CRACR2A: variants seen among roughly 807,000 people sequenced by gnomAD.
CRACR2A encodes EF-hand calcium-binding domain-containing protein 4B.
CRACR2A carries 79 observed loss-of-function variants against 90.5 expected under a neutral mutation model. That is an observed-to-expected ratio of 0.87 (90% confidence interval 0.73 to 1.05). The LOEUF is 1.05. CRACR2A is among the 50% of genes least tolerant of loss of function. The pLI, the probability that CRACR2A is intolerant of heterozygous loss-of-function variation, is 0.00. For synonymous variants in CRACR2A, 338 were observed against 356.7 expected (o/e 0.95, Z 0.59); for missense variants, 823 against 897.2 (o/e 0.92, Z 1.06).
Position 3,643,043 on chromosome 12 carries a change from G to C in CRACR2A, c.1165-1205C>G, listed in dbSNP as rs1274339107. On this transcript the variant is annotated intron_variant, in intron 12 of 19. Transcript: ENST00000440314. ...CTTTCAAAGCAGAATGAGTTTGGCA[G>C]GTAAAGGGAAGGGAGGTGAAGGGAT... Among the ~76,000 whole-genome samples, 4 of 152,160 alleles carry C rather than the reference G, an allele frequency of 2.6e-5. No homozygotes were observed. The East Asian group carries it at 7.7e-4, about 29-fold the overall frequency.
At chr12:3,640,602 C>A in intron 13 of CRACR2A, 1 of 1,299,780 alleles carries the variant, frequency 7.7e-7, no homozygotes, top group Non-Finnish European at 1.0e-6. Flanking sequence ...TCTCATTATT[C>A]AGCTATTTAG....
At chr12:3,665,444 G>A (rs570109368) in intron 7 of CRACR2A, among the ~76,000 whole-genome samples, 5 of 152,342 alleles carry the variant, frequency 3.3e-5, no homozygotes, top group African/African-American at 1.2e-4. Flanking sequence ...CAGTAAGCCT[G>A]AAGTGTCCTA....
intron 19 of CRACR2A, among the ~76,000 whole-genome samples, chr12:3,616,643 C>A (rs1034184638): frequency 1.3e-5 from 2 of 152,194 alleles, no homozygotes; most frequent in Admixed American, 1.3e-4. Context: ...CTGGCCTTCC[C>A]CCAGAAGGAT....
At chr12:3,693,505 A>G (rs144781840) in intron 4 of CRACR2A, among the ~76,000 whole-genome samples, 355 of 152,346 alleles carry the variant, frequency 2.3e-3, no homozygotes, top group African/African-American at 7.1e-3. Flanking sequence ...AAAACAGGTC[A>G]GTGCTAACAA....
chr12:3,697,342 C>G (rs139097822), intron 3 of CRACR2A, among the ~76,000 whole-genome samples: 1 of 152,212 alleles, frequency 6.6e-6, no homozygotes, highest in Non-Finnish European at 1.5e-5. Context: ...AACCAAACAA[C>G]AACAAAACAG....
chr12:3,673,389 G>A lies in CRACR2A; in HGVS notation c.671+57C>T, dbSNP rs146162265. The A allele has an allele frequency of 1.5e-3, 2,409 of 1,563,180 alleles. 23 individuals carry two copies. The African/African-American group carries it at 0.027, about 17-fold the overall frequency. ...CAGAAGATCTAAGAGAAAGTGCACC[G>A]TGTGTCTCTCTTTTTCACACATAGT... is the stretch of plus-strand genomic sequence containing the variant. On this transcript the variant is annotated intron_variant, in intron 7 of 19. Transcript: ENST00000440314.
intron 7 of CRACR2A, among the ~76,000 whole-genome samples, chr12:3,661,227 T>G (rs1051648037): frequency 6.6e-6 from 1 of 152,162 alleles, no homozygotes; most frequent in Non-Finnish European, 1.5e-5. Flanking sequence ...CAGGAGTCAT[T>G]TTGATTGGCA....
At chr12:3,640,922 T>C in intron 13 of CRACR2A, 1 of 926,888 alleles carries the variant, frequency 1.1e-6, no homozygotes, top group Non-Finnish European at 1.4e-6. Context: ...TTGAGTTAAT[T>C]AAATATAGGT....
intron 4 of CRACR2A, among the ~76,000 whole-genome samples, chr12:3,685,760 CAG>C (rs963731044): frequency 6.6e-6 from 1 of 152,266 alleles, no homozygotes; most frequent in Non-Finnish European, 1.5e-5. Context: ...TTTACGGGTA[CAG>C]AGTTTCTGTT....
intron 12 of CRACR2A, among the ~76,000 whole-genome samples, chr12:3,642,441 T>C (rs186071292): frequency 1.7e-4 from 26 of 152,300 alleles, no homozygotes; most frequent in African/African-American, 6.3e-4. Flanking sequence ...TCTTGAATTC[T>C]TGGCCTTAAG....
At chr12:3,646,291 A>G (rs1026928886) in intron 11 of CRACR2A, among the ~76,000 whole-genome samples, 2 of 152,216 alleles carry the variant, frequency 1.3e-5, no homozygotes, top group African/African-American at 4.8e-5. Flanking sequence ...CGTGCTTAGC[A>G]GTTTTGTGAT....
In CRACR2A at chr12:3,651,368, C is replaced by T. The variant is rs180721708; in HGVS notation, c.1047-2755G>A. 1.1e-4 allele frequency among the ~76,000 whole-genome samples: 16 copies of T among 152,350 alleles called. No individual in the cohort carries two copies. The East Asian group carries it at 2.5e-3, about 24-fold the overall frequency. ...CAAAGGATCCACAAGAAACCATGGC[C>T]AGTGGATCTGATGACTGCAGATCGG... On this transcript the variant is annotated intron_variant, in intron 10 of 19. Coordinates refer to ENST00000440314, the MANE Select transcript of CRACR2A (RefSeq NM_001144958.2).
chr12:3,638,852 A>C (rs1325569228), intron 13 of CRACR2A, among the ~76,000 whole-genome samples: 1 of 152,218 alleles, frequency 6.6e-6, no homozygotes, highest in African/African-American at 2.4e-5. Context: ...GTTGTGAAGA[A>C]ACGTGTCTCA....
At chr12:3,664,953 G>A (rs115654417) in intron 7 of CRACR2A, among the ~76,000 whole-genome samples, 3,312 of 152,320 alleles carry the variant, frequency 0.022, 113 homozygotes, top group African/African-American at 0.074. Context: ...GTTGCAGTGC[G>A]CCAAGATCAG....
At chr12:3,716,035 A>C (rs781586087) in intron 2 of CRACR2A, among the ~76,000 whole-genome samples, 10 of 147,758 alleles carry the variant, frequency 6.8e-5, no homozygotes, top group Non-Finnish European at 1.3e-4. Context: ...CTGGTGGAGG[A>C]CTCTCTGGTG....
rs115044245 is a variant in CRACR2A, at chr12:3,746,644, A to G, written c.-387+6371T>C. Among the ~76,000 whole-genome samples, 3,533 of 152,294 alleles carry G rather than the reference A, an allele frequency of 0.023. 125 individuals are homozygous for G. The highest frequency in any genetic ancestry group is 0.077 in the African/African-American group (3,213 of 41,562). On this transcript the variant is annotated intron_variant, in intron 1 of 19. Transcript: ENST00000440314. This position sits in a 1 kb window ranked among gnomAD's most constrained non-coding sequence, Gnocchi z 4.4. ...CCCCTCAAAGGGAGTATGCATGCCT[A>G]CTACAGGGACCACCCCTCTCTTCTT...
chr12:3,671,548 G>T (rs189066190), intron 7 of CRACR2A, among the ~76,000 whole-genome samples: 73 of 152,256 alleles, frequency 4.8e-4, no homozygotes, highest in Admixed American at 1.2e-3. Context: ...TGCAGATTCG[G>T]TGGGGCTGGG....
At chr12:3,639,457 A>AACACACACACACACACACACACACACAC (rs9300301) in intron 13 of CRACR2A, among the ~76,000 whole-genome samples, 2,202 of 139,464 alleles carry the variant, frequency 0.016, 51 homozygotes, top group Middle Eastern at 0.055. Context: ...CCAGAATTGA[A>AACACACACACACACACACACACACACAC]ACACACACAC....
intron 1 of CRACR2A, among the ~76,000 whole-genome samples, chr12:3,735,030 C>T (rs1228859309): frequency 6.6e-6 from 1 of 151,974 alleles, no homozygotes; most frequent in Non-Finnish European, 1.5e-5. Flanking sequence ...ACCACATACA[C>T]AAAAATGGTA....
Sources: allele counts gnomAD v4.1 joint callset (sites outside exome capture counted in the v4.1 genomes callset), GRCh38; gene constraint gnomAD v4.1.1; non-coding constraint Gnocchi (gnomAD v3.1); transcripts MANE v1.5; gene names NCBI Gene and HGNC (gene_info 2026-07-23, HGNC 2026-07-21).